Variants in FAM78B observed in about 807,000 individuals in gnomAD.
FAM78B encodes the protein protein FAM78B.
A neutral mutation model predicts 20.0 loss-of-function variants in FAM78B; 10 were observed. The observed-to-expected ratio is 0.50, with a 90% confidence interval of 0.31 to 0.85. FAM78B has a LOEUF of 0.85. Among genes scored for constraint, FAM78B ranks in the 40% least tolerant of loss-of-function variants. FAM78B has a pLI of 0.05. For missense variants in FAM78B, 283 were observed against 345.0 expected, an observed-to-expected ratio of 0.82 and a Z score of 1.42; for synonymous variants, 135 against 132.8, an observed-to-expected ratio of 1.02 and a Z score of -0.12.
intron 1 of FAM78B, among the ~76,000 whole-genome samples, chr1:166,125,983 T>C (rs1473527839): frequency 1.3e-5 from 2 of 151,872 alleles, no homozygotes; most frequent in Non-Finnish European, 2.9e-5. Context: ...AGGCATGTAC[T>C]ACCATGCCCA....
chr1:166,108,759 T>C (rs1196216901), intron 1 of FAM78B, among the ~76,000 whole-genome samples: 1 of 152,158 alleles, frequency 6.6e-6, no homozygotes, highest in Non-Finnish European at 1.5e-5. Context: ...GATTTCAAAC[T>C]GTACTATAAG....
Position 166,166,354 on chromosome 1 carries a change from G to T in FAM78B, c.-106C>A, listed in dbSNP as rs905904581. On this transcript the variant is annotated 5_prime_UTR_variant, in exon 1 of 2. Coordinates refer to ENST00000354422, the MANE Select transcript of FAM78B (RefSeq NM_001017961.5). The stretch of plus-strand genomic sequence containing the variant: ...GCATGGCGACGCGCCGCTCGCTCCC[G>T]GTCAGACTCAGCTCGCACCTAGGAG... 1 of 981,038 alleles carries T rather than the reference G, an allele frequency of 1.0e-6. No individual in the cohort carries two copies. Among genetic ancestry groups the T allele is most frequent in the African/African-American group, 1.7e-5 (1 of 57,290 alleles). The allele number at this position is 981,038 out of a possible 1,614,324, so 60.8% of individuals were successfully genotyped here.
intron 1 of FAM78B, among the ~76,000 whole-genome samples, chr1:166,110,204 T>A (rs1201706276): frequency 6.6e-6 from 1 of 151,018 alleles, no homozygotes; most frequent in Non-Finnish European, 1.5e-5. Context: ...ATCTCACAAA[T>A]CACCACTTAA....
chr1:166,084,235 A>ACT (rs1482456707), intron 1 of FAM78B, among the ~76,000 whole-genome samples: 22 of 120,056 alleles, frequency 1.8e-4, no homozygotes, highest in African/African-American at 6.0e-4. Context: ...ACACACACAC[A>ACT]CACTCTCTCT....
intron 1 of FAM78B, among the ~76,000 whole-genome samples, chr1:166,116,256 T>A (rs969390711): frequency 3.3e-5 from 5 of 152,168 alleles, no homozygotes; most frequent in African/African-American, 1.2e-4. Context: ...TTCTGGGCTC[T>A]TCATTCTCTC....
chr1:166,129,467 T>A (rs1052430317), intron 1 of FAM78B, among the ~76,000 whole-genome samples: 1 of 152,172 alleles, frequency 6.6e-6, no homozygotes, highest in Non-Finnish European at 1.5e-5. Flanking sequence ...GAACAAAGCA[T>A]CAAGCAAACA....
At chr1:166,073,513 G>A (rs370529501) in intron 1 of FAM78B, among the ~76,000 whole-genome samples, 6 of 148,722 alleles carry the variant, frequency 4.0e-5, no homozygotes, top group East Asian at 2.0e-4. Flanking sequence ...TCTATCTCTC[G>A]CTCCCTTCCT....
chr1:166,085,484 A>C (rs945362204), intron 1 of FAM78B, among the ~76,000 whole-genome samples: 1 of 152,240 alleles, frequency 6.6e-6, no homozygotes, highest in African/African-American at 2.4e-5. Flanking sequence ...ATTAAGGAGA[A>C]CAAATGTTCA....
intron 1 of FAM78B, among the ~76,000 whole-genome samples, chr1:166,084,872 A>G (rs1328788255): frequency 6.6e-6 from 1 of 152,200 alleles, no homozygotes; most frequent in African/African-American, 2.4e-5. Context: ...AGCCTGGCTT[A>G]CCTTGGTGCC....
downstream of FAM78B, among the ~76,000 whole-genome samples, chr1:166,065,889 ATTTTC>A: frequency 6.6e-6 from 1 of 152,214 alleles, no homozygotes; most frequent in East Asian, 1.9e-4. Flanking sequence ...TTTTTGATTA[ATTTTC>A]TTTTCAGTTT....
intron 1 of FAM78B, among the ~76,000 whole-genome samples, chr1:166,109,812 A>ATGTATGTG (rs1553219341): frequency 3.0e-5 from 1 of 33,064 alleles, no homozygotes; most frequent in African/African-American, 1.0e-4. Context: ...ATATGTATAT[A>ATGTATGTG]TGTATATATA....
At chr1:166,066,287 G>C (rs535649969), downstream of FAM78B, among the ~76,000 whole-genome samples, 6 of 152,338 alleles carry the variant, frequency 3.9e-5, no homozygotes, top group Admixed American at 1.3e-4. Flanking sequence ...TGCAGCCCCT[G>C]TCAGGCATTA....
chr1:166,128,600 T>C (rs1343928961), intron 1 of FAM78B, among the ~76,000 whole-genome samples: 3 of 152,094 alleles, frequency 2.0e-5, no homozygotes, highest in Non-Finnish European at 2.9e-5. Context: ...AGTCAGAAAA[T>C]AGAGGAGAGA....
chr1:166,099,063 C>T lies in FAM78B; in HGVS notation c.264-28300G>A, dbSNP rs185813486. ...AGCAGATTTCTCAGCAGAAACCCTACAAGCTAGAAGGGATTGGGGCCCTAT... is the reference window on the plus strand; with the variant it reads ...AGCAGATTTCTCAGCAGAAACCCTATAAGCTAGAAGGGATTGGGGCCCTAT... On this transcript the variant is annotated intron_variant, in intron 1 of 1. Coordinates refer to ENST00000354422, the MANE Select transcript of FAM78B (RefSeq NM_001017961.5). Among the ~76,000 whole-genome samples, 23 of 152,300 alleles carry T rather than the reference C, an allele frequency of 1.5e-4. 1 individual carries two copies. Among genetic ancestry groups the T allele is most frequent in the Middle Eastern group, 3.4e-3 (1 of 294 alleles).
In FAM78B at chr1:166,157,175, G is replaced by C. The variant is rs1571212725; in HGVS notation, c.263+8811C>G. On this transcript the variant is annotated intron_variant, in intron 1 of 1. Coordinates refer to ENST00000354422, the MANE Select transcript of FAM78B (RefSeq NM_001017961.5). ...GGAGGTTTGTATAGCTGACATGCCA[G>C]AGACCCCTCTCCAGAGTCTGAATGC... is the stretch of plus-strand genomic sequence containing the variant. 2.0e-5 allele frequency among the ~76,000 whole-genome samples: 3 copies of C among 151,922 alleles called. No individual in the cohort carries two copies. The South Asian group carries it at 6.3e-4, about 32-fold the overall frequency.
chr1:166,103,099 T>G (rs189485758), intron 1 of FAM78B, among the ~76,000 whole-genome samples: 17 of 152,328 alleles, frequency 1.1e-4, no homozygotes, highest in African/African-American at 3.6e-4. Context: ...TGCTCCTGAA[T>G]GACTATTGGG....
chr1:166,064,936 A>G (rs993076889), downstream of FAM78B, among the ~76,000 whole-genome samples: 5 of 152,192 alleles, frequency 3.3e-5, no homozygotes, highest in East Asian at 9.6e-4. Flanking sequence ...GACCTCCAAG[A>G]TCTCAAGTAA....
At chr1:166,090,310 T>C (rs1653016795) in intron 1 of FAM78B, among the ~76,000 whole-genome samples, 1 of 152,212 alleles carries the variant, frequency 6.6e-6, no homozygotes, top group African/African-American at 2.4e-5. Flanking sequence ...TTTCTAAGCC[T>C]GGTCATCACA....
At chr1:166,164,329 G>A (rs777481583) in intron 1 of FAM78B, among the ~76,000 whole-genome samples, 6 of 152,234 alleles carry the variant, frequency 3.9e-5, no homozygotes, top group Non-Finnish European at 8.8e-5. Flanking sequence ...CTCTTGCCCT[G>A]CCTGTGGCTT....
Sources: gnomAD v4.1 joint callset for allele counts (sites outside exome capture counted in the v4.1 genomes callset) on GRCh38, gnomAD v4.1.1 for gene constraint, MANE v1.5 for transcripts, NCBI Gene and HGNC (gene_info 2026-07-23, HGNC 2026-07-21) for gene names.